The following IRAG2 variants were observed in gnomAD, a reference collection of about 807,000 sequenced individuals.
IRAG2 encodes lymphoid restricted membrane protein.
In IRAG2, 45 loss-of-function variants were observed where a neutral mutation model predicts 69.9. The observed-to-expected ratio is 0.64, with a 90% CI of 0.51 to 0.83. The LOEUF (loss-of-function observed/expected upper bound fraction) is 0.83. IRAG2 is among the 40% of genes least tolerant of loss of function. The pLI, the probability that IRAG2 is intolerant of heterozygous loss-of-function variation, is 0.00. For synonymous variants in IRAG2, 193 were observed against 202.4 expected, an observed-to-expected ratio of 0.95 and a Z score of 0.40; for missense variants, 520 against 587.0, an observed-to-expected ratio of 0.89 and a Z score of 1.18.
At chr12:25,085,432 G>T (rs2140140360) in intron 10 of IRAG2, among the ~76,000 whole-genome samples, 1 of 152,268 alleles carries the variant, frequency 6.6e-6, no homozygotes, top group South Asian at 2.1e-4. Flanking sequence ...ACTCCCCTTG[G>T]CATCCAGACA....
intron 8 of IRAG2, among the ~76,000 whole-genome samples, chr12:25,024,284 C>G (rs1944606219): frequency 6.6e-6 from 1 of 152,154 alleles, no homozygotes; most frequent in South Asian, 2.1e-4. Flanking sequence ...CGATTCAGAT[C>G]TTAAATTCAC....
chr12:25,020,417 G>A (rs1944568668), intron 6 of IRAG2, among the ~76,000 whole-genome samples: 1 of 152,142 alleles, frequency 6.6e-6, no homozygotes, highest in African/African-American at 2.4e-5. Context: ...CTGCATTGTA[G>A]AGCACCTAGA....
At chr12:25,090,934 T>C (rs958072852) in intron 14 of IRAG2, 10 of 437,706 alleles carry the variant, frequency 2.3e-5, no homozygotes, top group African/African-American at 2.0e-4. Context: ...GGTAACTGAT[T>C]CAGTCTTGCA....
In IRAG2 at chr12:25,079,682, G is replaced by T; in HGVS notation, c.163G>T (p.Ala55Ser). 6.2e-7 allele frequency: 1 copy of T among 1,613,548 alleles called. No individual in the cohort carries two copies. Among genetic ancestry groups the T allele is most frequent in the Non-Finnish European group, 8.5e-7 (1 of 1,179,578 alleles). Residue 55 changes from alanine to serine, a missense_variant, in exon 9 of 22, where the codon GCT (alanine) becomes TCT (serine). By Grantham distance (99) the Ala-to-Ser change is moderately conservative. Transcript: ENST00000556887. ...TCCTGGATTAGAAATTCTGAATATGGCTTCTTGTGACCTTGACAGAAACTC... is the reference window on the plus strand; with the variant it reads ...TCCTGGATTAGAAATTCTGAATATGTCTTCTTGTGACCTTGACAGAAACTC... The part of the protein sequence containing the change: ...SDPGLEILNM[A>S]SCDLDRNSLC...
At chr12:25,082,431 T>C (rs1947279802) in intron 9 of IRAG2, among the ~76,000 whole-genome samples, 1 of 151,738 alleles carries the variant, frequency 6.6e-6, no homozygotes, top group African/African-American at 2.4e-5. Flanking sequence ...AAACCCCGTC[T>C]CTGCAAAAAA....
intron 15 of IRAG2, 111 bp downstream of exon 15, chr12:25,097,155 G>A: frequency 1.8e-6 from 2 of 1,083,052 alleles, no homozygotes; most frequent in Non-Finnish European, 2.6e-6. Context: ...TACTTTTGTT[G>A]TATAAGACAT....
upstream of IRAG2, among the ~76,000 whole-genome samples, chr12:25,001,874 A>G (rs546880312): frequency 1.2e-4 from 18 of 151,846 alleles, no homozygotes; most frequent in South Asian, 6.2e-4. Flanking sequence ...GGTTCAAGCA[A>G]TTCTCCTGCC....
chr12:25,081,315 T>A (rs1216278249), intron 9 of IRAG2, among the ~76,000 whole-genome samples: 1 of 151,866 alleles, frequency 6.6e-6, no homozygotes, highest in Non-Finnish European at 1.5e-5. Flanking sequence ...ATACAAAAAA[T>A]TAGCCAGGCG....
upstream of IRAG2, among the ~76,000 whole-genome samples, chr12:25,048,321 C>A (rs190044916): frequency 6.6e-6 from 1 of 152,152 alleles, no homozygotes; most frequent in East Asian, 1.9e-4. Flanking sequence ...GAGACAGTCT[C>A]TCTCTGTTGC....
intron 9 of IRAG2, 128 bp downstream of exon 9, chr12:25,079,891 A>G (rs1293141361): frequency 3.3e-6 from 2 of 607,918 alleles, no homozygotes; most frequent in Admixed American, 6.2e-5. Context: ...TAATTCTTAT[A>G]AAACAATTTT....
In IRAG2 at chr12:25,096,909, G is replaced by A; in HGVS notation, c.607-1G>A. On this transcript the variant is annotated splice_acceptor_variant, in intron 14 of 21. Coordinates refer to ENST00000556887, the MANE Select transcript of IRAG2 (RefSeq NM_001366544.2). LOFTEE classifies it high-confidence loss of function. Reference sequence around the variant, plus strand: ...CTTTTAATATGCTGTTTTCTATACAGTCTTTAACACCTCTGTGTGAAGATG... The same window carrying A: ...CTTTTAATATGCTGTTTTCTATACAATCTTTAACACCTCTGTGTGAAGATG... 6.2e-7 allele frequency: 1 copy of A among 1,610,988 alleles called. No individual in the cohort carries two copies. Among genetic ancestry groups the A allele is most frequent in the Non-Finnish European group, 8.5e-7 (1 of 1,178,888 alleles).
upstream of IRAG2, among the ~76,000 whole-genome samples, chr12:25,047,650 C>T (rs1383520133): frequency 1.3e-5 from 2 of 151,986 alleles, no homozygotes; most frequent in Non-Finnish European, 2.9e-5. Context: ...TGTGGTGTTC[C>T]CCGCAATGTG....
At chr12:24,997,702 A>G in the IRAG2 span, 1 of 153,132 alleles carries the variant, frequency 6.5e-6, no homozygotes. Context: ...CGCCCTAACC[A>G]GGGAAAAGCA....
At chr12:25,004,245 G>T, upstream of IRAG2, 1 of 898,786 alleles carries the variant, frequency 1.1e-6, no homozygotes, top group Non-Finnish European at 1.5e-6. Context: ...ATTGCCTATT[G>T]CTAAATTATT....
At chr12:25,068,027 G>T (rs921242159) in intron 5 of IRAG2, among the ~76,000 whole-genome samples, 5 of 152,094 alleles carry the variant, frequency 3.3e-5, no homozygotes, top group Non-Finnish European at 7.4e-5. Flanking sequence ...TTTTAGTAGA[G>T]ACAAGGTTTC....
intron 9 of IRAG2, among the ~76,000 whole-genome samples, chr12:25,030,051 G>A (rs1223068656): frequency 1.3e-5 from 2 of 152,166 alleles, no homozygotes; most frequent in African/African-American, 4.8e-5. Flanking sequence ...GACAGTGTGC[G>A]ACATTGGGTG....
intron 10 of IRAG2, among the ~76,000 whole-genome samples, chr12:25,084,153 C>G (rs1435450797): frequency 1.3e-5 from 2 of 152,082 alleles, no homozygotes; most frequent in African/African-American, 4.8e-5. Context: ...TTTGAGAGAT[C>G]GAGGTGGAAG....
chr12:25,041,157 T>A (rs982646142), intron 16 of IRAG2, among the ~76,000 whole-genome samples: 1 of 151,964 alleles, frequency 6.6e-6, no homozygotes, highest in Non-Finnish European at 1.5e-5. Flanking sequence ...CTTGTTGTTT[T>A]TGAGCAGCAG....
chr12:25,035,275 A>C (rs1430419377), intron 13 of IRAG2, among the ~76,000 whole-genome samples: 1 of 152,208 alleles, frequency 6.6e-6, no homozygotes, highest in Non-Finnish European at 1.5e-5. Flanking sequence ...TCTTTTATGA[A>C]TGGAAGGGAG....
Sources: gnomAD v4.1 joint callset for allele counts (sites outside exome capture counted in the v4.1 genomes callset) on GRCh38, gnomAD v4.1.1 for gene constraint, MANE v1.5 for transcripts, NCBI Gene and HGNC (gene_info 2026-07-23, HGNC 2026-07-21) for gene names.